The following UNC5A variants were observed in gnomAD, a reference collection of about 807,000 sequenced individuals.
UNC5A encodes netrin receptor UNC5A.
Under a neutral mutation model 87.4 loss-of-function variants are expected in UNC5A, and 20 were observed. The observed-to-expected ratio is 0.23, with a 90% CI of 0.16 to 0.33. The LOEUF (loss-of-function observed/expected upper bound fraction) is 0.33. Ranked by LOEUF, UNC5A falls within the 10% of genes least tolerant of loss-of-function variation. The pLI, the probability that UNC5A is intolerant of heterozygous loss-of-function variation, is 1.00. For synonymous variants in UNC5A, 438 were observed against 482.3 expected (o/e 0.91, Z 1.20); for missense variants, 844 against 1,133.4 (o/e 0.74, Z 3.67).
In UNC5A at chr5:176,869,041, A is replaced by G. The variant is rs1581273940; in HGVS notation, c.721+77A>G. 1 of 1,475,786 alleles carries G rather than the reference A, an allele frequency of 6.8e-7. No individual in the cohort carries two copies. The highest frequency in any genetic ancestry group is 9.1e-7 in the Non-Finnish European group (1 of 1,104,490). The allele number at this position is 1,475,786 out of a possible 1,614,324, so 91.4% of individuals were successfully genotyped here. On this transcript the variant is annotated intron_variant, in intron 5 of 14. Transcript: ENST00000329542. This position sits in a 1 kb window ranked among gnomAD's most constrained non-coding sequence, Gnocchi z 9.1. ...GCAGTGACATGTGGCTGGTGGGGTG[A>G]AGAGAGGCCATGAGGCCAAAGCCAG... is the stretch of plus-strand genomic sequence containing the variant.
intron 13 of UNC5A, 112 bp downstream of exon 13, chr5:176,878,751 TG>T (rs756814201): frequency 3.0e-5 from 42 of 1,401,710 alleles, no homozygotes; most frequent in Non-Finnish European, 4.0e-5. Flanking sequence ...CCCTCCCGCC[TG>T]TCCCCAGGCC....
At chr5:176,864,098 C>T (rs1757914691) in intron 2 of UNC5A, among the ~76,000 whole-genome samples, 1 of 151,840 alleles carries the variant, frequency 6.6e-6, no homozygotes, top group Non-Finnish European at 1.5e-5. Flanking sequence ...GCAGGTGTCA[C>T]CCAGGACTCC....
Position 176,879,706 on chromosome 5 carries a change from C to T in UNC5A, c.2364-15C>T. 1 of 1,610,954 alleles carries T rather than the reference C, an allele frequency of 6.2e-7. No homozygotes were observed. On this transcript the variant is annotated splice_polypyrimidine_tract_variant and intron_variant, in intron 14 of 14. Transcript: ENST00000329542. ...GGCCAGGCCAGGCTGCTGACGGCCC[C>T]CCTCCCCTCCACAGCCATCTCAGCT...
At position 176,877,682 on chromosome 5, in the gene UNC5A, G is replaced by A. The variant is rs1325362244; in HGVS notation, c.1614G>A (p.Gln538=). 1 of 1,607,342 alleles carries A rather than the reference G, an allele frequency of 6.2e-7. No individual in the cohort carries two copies. The highest frequency in any genetic ancestry group is 1.7e-5 in the Admixed American group (1 of 59,678). ...PDSWSLRLKK[Q]SCEGSWEDVL... The stretch of plus-strand genomic sequence containing the variant: ...GCTGGAGCCTGCGCCTCAAAAAGCA[G>A]TCGTGCGAGGGCAGCTGGGAGGTGA... Residue 538 remains glutamine, a synonymous_variant, in exon 10 of 15, where the codon CAG becomes CAA. Coordinates refer to ENST00000329542, the MANE Select transcript of UNC5A (RefSeq NM_133369.3).
intron 1 of UNC5A, among the ~76,000 whole-genome samples, chr5:176,828,351 C>T (rs575692057): frequency 5.6e-4 from 85 of 152,254 alleles, no homozygotes; most frequent in African/African-American, 2.0e-3. Context: ...GAGGGAGCCC[C>T]GAGTGTGATG....
chr5:176,853,248 G>T (rs1217180605), intron 1 of UNC5A, among the ~76,000 whole-genome samples: 1 of 152,200 alleles, frequency 6.6e-6, no homozygotes, highest in Non-Finnish European at 1.5e-5. Flanking sequence ...CTTAGGAAAG[G>T]CCTGAGCCTC....
In UNC5A at chr5:176,810,913, A is replaced by T. The variant is rs191688919; in HGVS notation, c.70+93A>T. ...GGGGGTCCCTGACCAGCGCTGCCAG[A>T]CCCGGCTGGGAGCCCCCCGAGGCCA... is the stretch of plus-strand genomic sequence containing the variant. On this transcript the variant is annotated intron_variant, in intron 1 of 14. Transcript: ENST00000329542. This position sits in a 1 kb window ranked among gnomAD's most constrained non-coding sequence, Gnocchi z 7.3. The T allele has an allele frequency of 2.6e-3, 2,913 of 1,114,568 alleles. 50 individuals are homozygous for T. The African/African-American group carries it at 0.038, about 15-fold the overall frequency. The allele number at this position is 1,114,568 out of a possible 1,614,324, so 69.0% of individuals were successfully genotyped here.
At chr5:176,815,522 G>T (rs191856728) in intron 1 of UNC5A, among the ~76,000 whole-genome samples, 10 of 152,352 alleles carry the variant, frequency 6.6e-5, no homozygotes, top group Admixed American at 6.5e-5. Flanking sequence ...TGATAGAATG[G>T]GTCATGCTTG....
At chr5:176,819,278 A>G (rs1283580667) in intron 1 of UNC5A, among the ~76,000 whole-genome samples, 1 of 152,160 alleles carries the variant, frequency 6.6e-6, no homozygotes. Context: ...GGAGCTCACC[A>G]CACTGTGCCA....
At chr5:176,815,341 T>A (rs778915450) in intron 1 of UNC5A, among the ~76,000 whole-genome samples, 7 of 152,188 alleles carry the variant, frequency 4.6e-5, no homozygotes, top group Non-Finnish European at 1.0e-4. Flanking sequence ...TGTCTGCTCC[T>A]GTGGGAGTGG....
At chr5:176,859,729 CT>C (rs1757783953) in intron 1 of UNC5A, among the ~76,000 whole-genome samples, 1 of 91,918 alleles carries the variant, frequency 1.1e-5, no homozygotes, top group Non-Finnish European at 3.4e-5. Context: ...GGCATAGCTG[CT>C]AGAATGATGT....
chr5:176,844,503 A>G lies in UNC5A; in HGVS notation c.71-18121A>G, dbSNP rs547709243. Among the ~76,000 whole-genome samples, 1 of 152,182 alleles carries G rather than the reference A, an allele frequency of 6.6e-6. No homozygotes were observed. The highest frequency in any genetic ancestry group is 2.4e-5 in the African/African-American group (1 of 41,450). On this transcript the variant is annotated intron_variant, in intron 1 of 14. Coordinates refer to ENST00000329542, the MANE Select transcript of UNC5A (RefSeq NM_133369.3). This position sits in a 1 kb window ranked among gnomAD's most constrained non-coding sequence, Gnocchi z 4.2. ...TGAGCTGGCCGTGGGCGCCCACTGC[A>G]TACAGCAGGTTGGTGAGGGAAGGTC...
rs543053198 is a variant in UNC5A, at chr5:176,880,004, C to T, written c.*118C>T. The T allele has an allele frequency of 3.1e-5, 42 of 1,338,236 alleles. No individual in the cohort carries two copies. The East Asian group carries it at 5.9e-4, about 19-fold the overall frequency. The allele number at this position is 1,338,236 out of a possible 1,614,324, so 82.9% of individuals were successfully genotyped here. A position where few individuals can be genotyped will look rare whatever the true frequency, so the allele number is the denominator to read the frequency against. ...AGAGCTGCTCGGACAGGCCCCCTCCCGGCCGAAGCTGTCCCTTAATGCTGG... is the reference window on the plus strand; with the variant it reads ...AGAGCTGCTCGGACAGGCCCCCTCCTGGCCGAAGCTGTCCCTTAATGCTGG... On this transcript the variant is annotated 3_prime_UTR_variant, in exon 15 of 15. Coordinates refer to ENST00000329542, the MANE Select transcript of UNC5A (RefSeq NM_133369.3).
In UNC5A at chr5:176,844,716, C is replaced by T. The variant is rs1333572630; in HGVS notation, c.71-17908C>T. Among the ~76,000 whole-genome samples the T allele has an allele frequency of 6.6e-6, 1 of 152,208 alleles. No homozygotes were observed. Among genetic ancestry groups the T allele is most frequent in the African/African-American group, 2.4e-5 (1 of 41,448 alleles). On this transcript the variant is annotated intron_variant, in intron 1 of 14. Coordinates refer to ENST00000329542, the MANE Select transcript of UNC5A (RefSeq NM_133369.3). This position sits in a 1 kb window ranked among gnomAD's most constrained non-coding sequence, Gnocchi z 4.2. ...TACATCACACCCAGGGGTCTGTGGACCACAGTTCACAGCCTCCTATTGTTC... is the reference window on the plus strand; with the variant it reads ...TACATCACACCCAGGGGTCTGTGGATCACAGTTCACAGCCTCCTATTGTTC...
chr5:176,847,238 C>G (rs1757431930), intron 1 of UNC5A, among the ~76,000 whole-genome samples: 2 of 152,218 alleles, frequency 1.3e-5, no homozygotes, highest in Admixed American at 1.3e-4. Flanking sequence ...ATGCCCCGTT[C>G]CCATCCAGCG....
At chr5:176,843,936 G>T (rs1382802316) in intron 1 of UNC5A, among the ~76,000 whole-genome samples, 1 of 152,264 alleles carries the variant, frequency 6.6e-6, no homozygotes, top group Non-Finnish European at 1.5e-5. Flanking sequence ...CCCGCTGATC[G>T]TGTGAGGCGC....
chr5:176,819,384 G>A lies in UNC5A; in HGVS notation c.70+8564G>A, dbSNP rs115368025. On this transcript the variant is annotated intron_variant, in intron 1 of 14. Transcript: ENST00000329542. ...TGGCTTAAGGAAAAAAAAGGAAAAC[G>A]AAGAAGAAGGAGACCATAATGGCAC... Among the ~76,000 whole-genome samples the A allele has an allele frequency of 7.3e-3, 1,074 of 146,476 alleles. 16 individuals carry two copies. The highest frequency in any genetic ancestry group is 0.029 in the African/African-American group (1,035 of 36,108).
intron 1 of UNC5A, among the ~76,000 whole-genome samples, chr5:176,818,764 T>C (rs1220793948): frequency 6.6e-6 from 1 of 152,178 alleles, no homozygotes; most frequent in Non-Finnish European, 1.5e-5. Context: ...ACCCTGATTC[T>C]CTGTGTGGCC....
rs188652599 is a variant in UNC5A at position 176,849,510 on chromosome 5, G to T, written c.71-13114G>T. 3.0e-3 allele frequency among the ~76,000 whole-genome samples: 455 copies of T among 152,296 alleles called. 2 individuals carry two copies. The highest frequency in any genetic ancestry group is 8.0e-3 in the Admixed American group (122 of 15,298). On this transcript the variant is annotated intron_variant, in intron 1 of 14. Coordinates refer to ENST00000329542, the MANE Select transcript of UNC5A (RefSeq NM_133369.3). ...TGAGGCAGGAAAATCCCTTCAACCA[G>T]GGAAGTGGAGGTTGCAGTGAGCCAA...
Sources: gnomAD v4.1 joint callset for allele counts (sites outside exome capture counted in the v4.1 genomes callset) on GRCh38, gnomAD v4.1.1 for gene constraint, Gnocchi (gnomAD v3.1) non-coding constraint, MANE v1.5 for transcripts, NCBI Gene and HGNC (gene_info 2026-07-23, HGNC 2026-07-21) for gene names.